GCN1: variants seen among roughly 807,000 people sequenced by gnomAD.
The protein encoded by GCN1 is GCN1 activator of EIF2AK4.
Under a neutral mutation model 288.4 loss-of-function variants are expected in GCN1, and 90 were observed. That is an observed-to-expected ratio of 0.31 (90% CI 0.26 to 0.37). GCN1 has a LOEUF of 0.37. Ranked by LOEUF, GCN1 falls within the 10% of genes least tolerant of loss-of-function variation. The pLI is 1.00. For missense variants in GCN1, 2,586 were observed against 3,419.9 expected, an observed-to-expected ratio of 0.76 and a Z score of 6.08; for synonymous variants, 1,386 against 1,420.2, an observed-to-expected ratio of 0.98 and a Z score of 0.54.
At position 120,190,405 on chromosome 12, in the gene GCN1, G is replaced by C; in HGVS notation, c.19-5C>G. 1 of 1,509,740 alleles carries C rather than the reference G, an allele frequency of 6.6e-7. No homozygotes were observed. Among genetic ancestry groups the C allele is most frequent in the Non-Finnish European group, 9.2e-7 (1 of 1,084,920 alleles). The allele number at this position is 1,509,740 out of a possible 1,614,324, so 93.5% of individuals were successfully genotyped here. ...ACGCTTTAGTGTCTCGGAAACCTGTGAAGGCCAAGCAACAGAAAAATTCAC... is the reference window on the plus strand; with the variant it reads ...ACGCTTTAGTGTCTCGGAAACCTGTCAAGGCCAAGCAACAGAAAAATTCAC... On this transcript the variant is annotated splice_region_variant and splice_polypyrimidine_tract_variant and intron_variant, in intron 1 of 57. Coordinates refer to ENST00000300648, the MANE Select transcript of GCN1 (RefSeq NM_006836.2).
intron 57 of GCN1, among the ~76,000 whole-genome samples, chr12:120,128,485 C>T (rs750028630): frequency 4.6e-5 from 7 of 152,026 alleles, no homozygotes; most frequent in East Asian, 1.9e-4. Context: ...ACAGACATAG[C>T]GCCACCACAC....
intron 5 of GCN1, among the ~76,000 whole-genome samples, chr12:120,180,162 T>A (rs970053395): frequency 6.6e-6 from 1 of 151,804 alleles, no homozygotes; most frequent in Non-Finnish European, 1.5e-5. Flanking sequence ...CAAAATTAGC[T>A]GGGTGTGGTG....
intron 14 of GCN1, among the ~76,000 whole-genome samples, chr12:120,171,703 T>C (rs994470522): frequency 1.3e-5 from 2 of 152,234 alleles, no homozygotes; most frequent in South Asian, 2.1e-4. Context: ...GCAATGAGCA[T>C]TGAGTTCTGG....
intron 20 of GCN1, 129 bp from the exon 21 acceptor site, chr12:120,162,187 C>A: frequency 4.1e-6 from 3 of 740,440 alleles, no homozygotes; most frequent in South Asian, 1.8e-5. Context: ...CTGGGCAATG[C>A]CCATCACAGT....
chr12:120,194,489 G>A (rs908897393), intron 1 of GCN1, among the ~76,000 whole-genome samples, 191 bp downstream of exon 1: 5 of 152,196 alleles, frequency 3.3e-5, no homozygotes, highest in Admixed American at 2.0e-4. Context: ...CGAGCCCGCG[G>A]TCTGCCTGCG....
intron 38 of GCN1, 113 bp from the exon 39 acceptor site, chr12:120,145,443 G>A (rs1877334190): frequency 2.0e-5 from 15 of 740,474 alleles, no homozygotes; most frequent in Non-Finnish European, 3.2e-5. Context: ...CTTGGCAGGG[G>A]CACCTAGCAT....
At chr12:120,150,121 C>A (rs1877492947) in intron 34 of GCN1, 78 bp from the exon 35 acceptor site, 1 of 1,452,356 alleles carries the variant, frequency 6.9e-7, no homozygotes, top group South Asian at 1.2e-5. Context: ...GGGACAGCAA[C>A]CTCCCTGCCA....
chr12:120,138,925 C>T, intron 45 of GCN1, 69 bp from the exon 46 acceptor site: 5 of 1,429,164 alleles, frequency 3.5e-6, no homozygotes, highest in Non-Finnish European at 4.8e-6. Flanking sequence ...AGACAAGAAG[C>T]ACAGGCAGGG....
intron 2 of GCN1, among the ~76,000 whole-genome samples, chr12:120,188,995 T>C (rs1878916468): frequency 6.6e-6 from 1 of 152,218 alleles, no homozygotes; most frequent in Non-Finnish European, 1.5e-5. Flanking sequence ...CCAAAAGTTT[T>C]AACTGTTGCA....
At chr12:120,179,214 G>T (rs1426368168) in intron 5 of GCN1, among the ~76,000 whole-genome samples, 2 of 152,100 alleles carry the variant, frequency 1.3e-5, no homozygotes, top group Admixed American at 1.3e-4. Flanking sequence ...AGGCACAAGG[G>T]GAGGAAGACA....
chr12:120,153,089 T>C lies in GCN1; in HGVS notation c.4062+124A>G, dbSNP rs1877620635. The C allele has an allele frequency of 1.3e-6, 1 of 749,674 alleles. No homozygotes were observed. The highest frequency in any genetic ancestry group is 1.8e-5 in the African/African-American group (1 of 57,000). The allele number at this position is 749,674 out of a possible 1,614,324, so 46.4% of individuals were successfully genotyped here. On this transcript the variant is annotated intron_variant, in intron 33 of 57. Transcript: ENST00000300648. This position sits in a 1 kb window ranked among gnomAD's most constrained non-coding sequence, Gnocchi z 4.4. The stretch of plus-strand genomic sequence containing the variant: ...CTCCCCTGCGAGAGGGGGTGAATCC[T>C]TAACAAGAACTGGGCTTTCAGGGCC...
At chr12:120,190,162 T>C in intron 2 of GCN1, 136 bp downstream of exon 2, 2 of 554,652 alleles carry the variant, frequency 3.6e-6, no homozygotes, top group South Asian at 2.3e-5. Context: ...GAGGTGGAGG[T>C]TGCAATGAGC....
At chr12:120,176,069 G>A in intron 10 of GCN1, 74 bp downstream of exon 10, 1 of 1,302,354 alleles carries the variant, frequency 7.7e-7, no homozygotes, top group Non-Finnish European at 1.1e-6. Flanking sequence ...CCCTACCCCT[G>A]CTACAACAAT....
chr12:120,185,919 G>C (rs1473155257), intron 2 of GCN1, among the ~76,000 whole-genome samples: 3 of 152,220 alleles, frequency 2.0e-5, no homozygotes, highest in Middle Eastern at 3.4e-3. Flanking sequence ...TTTAAATGAA[G>C]AAACCAAGTA....
chr12:120,187,104 A>C (rs761264904), intron 2 of GCN1, among the ~76,000 whole-genome samples: 9 of 152,266 alleles, frequency 5.9e-5, no homozygotes, highest in Non-Finnish European at 8.8e-5. Flanking sequence ...TGGGTATCTT[A>C]CTAGGCATAA....
Position 120,144,431 on chromosome 12 carries a change from A to G in GCN1, c.5370T>C (p.Asn1790=), listed in dbSNP as rs1877296253. 6.8e-6 allele frequency: 11 copies of G among 1,613,772 alleles called. No homozygotes were observed. Among genetic ancestry groups the G allele is most frequent in the Non-Finnish European group, 9.3e-6 (11 of 1,179,750 alleles). Residue 1790 remains asparagine, a synonymous_variant, in exon 42 of 58, where the codon AAT becomes AAC. Coordinates refer to ENST00000300648, the MANE Select transcript of GCN1 (RefSeq NM_006836.2). This position sits in a 1 kb window ranked among gnomAD's most constrained non-coding sequence, Gnocchi z 4.7. ...GCAGGGCGGTGTCACGCACAAACTC[A>G]TTCTCATCAGCAAGAGCCTGGGCAC... ...PCILKALADE[N]EFVRDTALRA...
intron 51 of GCN1, among the ~76,000 whole-genome samples, chr12:120,135,129 G>A (rs1876958171): frequency 6.6e-6 from 1 of 152,194 alleles, no homozygotes; most frequent in Admixed American, 6.5e-5. Flanking sequence ...GACAGGGAAA[G>A]GGACTCAGTG....
Position 120,134,783 on chromosome 12 carries a change from G to A in GCN1, c.7009-57C>T, listed in dbSNP as rs1219451143. On this transcript the variant is annotated intron_variant, in intron 51 of 57. Transcript: ENST00000300648. This position sits in a 1 kb window ranked among gnomAD's most constrained non-coding sequence, Gnocchi z 5.0. ...GTTGTGGTAGACCCAAAGCCACAGT[G>A]TACCACAGGCATGAGAACAAATGAC... is the stretch of plus-strand genomic sequence containing the variant. 7 of 1,417,090 alleles carry A rather than the reference G, an allele frequency of 4.9e-6. No homozygotes were observed. Among genetic ancestry groups the A allele is most frequent in the Non-Finnish European group, 7.0e-6 (7 of 1,005,210 alleles). The allele number at this position is 1,417,090 out of a possible 1,614,324, so 87.8% of individuals were successfully genotyped here.
rs374879045 is a variant in GCN1, at chr12:120,170,258, G to C, written c.1430C>G (p.Ala477Gly). The change falls in exon 15 of 58, where the codon GCC becomes GGC. Residue 477 changes from alanine (A) to glycine (G), a missense_variant. Physicochemically the swap from Ala to Gly is moderately conservative, Grantham distance 60. Transcript: ENST00000300648. ...GGTGGGAACCTGAGTGCTTTGGGAG[G>C]CTGCCTTCTCCACTGTCTGGATGAG... ...PLLIQTVEKA[A>G]SQSTQVPTIT... 9.3e-6 allele frequency: 15 copies of C among 1,613,852 alleles called. No homozygotes were observed. Among genetic ancestry groups the C allele is most frequent in the Non-Finnish European group, 1.3e-5 (15 of 1,179,870 alleles).
Sources: allele counts gnomAD v4.1 joint callset (sites outside exome capture counted in the v4.1 genomes callset), GRCh38; gene constraint gnomAD v4.1.1; non-coding constraint Gnocchi (gnomAD v3.1); transcripts MANE v1.5; gene names NCBI Gene and HGNC (gene_info 2026-07-23, HGNC 2026-07-21).